The following DDX11 variants were observed in gnomAD, a reference collection of about 807,000 sequenced individuals.
DDX11 encodes the protein DEAD/H-box helicase 11.
DDX11 carries 72 observed loss-of-function variants against 125.2 expected under a neutral mutation model. The observed-to-expected ratio is 0.58, with a 90% confidence interval of 0.48 to 0.70. The LOEUF is 0.70. DDX11 is among the 30% of genes least tolerant of loss of function. The probability of loss-of-function intolerance (pLI) is 0.00; values close to 1 mark genes in which losing one functional copy is unlikely to be tolerated. For synonymous variants in DDX11, 347 were observed against 452.6 expected (o/e 0.77, Z 2.96); for missense variants, 883 against 1,165.0 (o/e 0.76, Z 3.52).
At position 31,101,042 on chromosome 12, in the gene DDX11, C is replaced by T. The variant is rs776137187; in HGVS notation, c.1964C>T (p.Pro655Leu). 2 of 1,614,124 alleles carry T rather than the reference C, an allele frequency of 1.2e-6. No homozygotes were observed. Among genetic ancestry groups the T allele is most frequent in the Non-Finnish European group, 1.7e-6 (2 of 1,179,958 alleles). ...CTCTTACCAGGTCACGTGATCCCTC[C>T]AGACAACATCCTGCCCCTCGTCATC... ...VEFSCGHVIP[P>L]DNILPLVICS... is the part of the protein sequence containing the mutation. The change falls in exon 20 of 27, where the codon CCA (proline) becomes CTA (leucine). Residue 655 changes from proline to leucine, a missense_variant. Pro to Leu is a moderately conservative substitution (Grantham distance 98, BLOSUM62 -3). This residue lies in a region of DDX11 where 285 missense variants were observed against 346.0 expected (regional missense o/e 0.82). Coordinates refer to ENST00000542838, the MANE Select transcript of DDX11 (RefSeq NM_030653.4).
In DDX11 at chr12:31,084,641, T is replaced by C. The variant is rs1295792168; in HGVS notation, c.452T>C (p.Val151Ala). The C allele has an allele frequency of 6.3e-7, 1 of 1,592,588 alleles. No homozygotes were observed. Among genetic ancestry groups the C allele is most frequent in the Non-Finnish European group, 8.6e-7 (1 of 1,167,816 alleles). ...EERLQQLQHR[V>A]QLKYAAKRLR... is the part of the protein sequence containing the mutation. ...CGCCTGCAGCAGCTGCAGCACAGGG[T>C]GCAGCTCAAGTATGCAGCCAAGCGC... Residue 151 changes from valine (V) to alanine (A), a missense_variant, in exon 4 of 27, where the codon GTG (valine) becomes GCG (alanine). By Grantham distance (64) the Val-to-Ala change is moderately conservative. This residue lies in a region of DDX11 where 283 missense variants were observed against 359.6 expected (regional missense o/e 0.79). Coordinates refer to ENST00000542838, the MANE Select transcript of DDX11 (RefSeq NM_030653.4).
intron 1 of DDX11, among the ~76,000 whole-genome samples, chr12:31,075,690 T>C (rs1392278118): frequency 1.3e-5 from 2 of 152,238 alleles, no homozygotes; most frequent in South Asian, 4.1e-4. Context: ...TCTGGCTGGC[T>C]ACTCATTCGT....
intron 5 of DDX11, among the ~76,000 whole-genome samples, chr12:31,086,379 G>T (rs1410107423): frequency 2.0e-5 from 3 of 152,140 alleles, no homozygotes; most frequent in Non-Finnish European, 4.4e-5. Flanking sequence ...TGGCATAGGG[G>T]TGTGCTCAAT....
rs955531106 is a variant in DDX11, at chr12:31,089,698, G to A, written c.881-188G>A. On this transcript the variant is annotated intron_variant, in intron 8 of 26. Transcript: ENST00000542838. Reference sequence around the variant, plus strand: ...ATCCTTGGCTTGGAGATGATTTTACGGGCTCTTTCTGGAGAACAGAAGTAA... The same window carrying A: ...ATCCTTGGCTTGGAGATGATTTTACAGGCTCTTTCTGGAGAACAGAAGTAA... The A allele has an allele frequency of 1.5e-5, 18 of 1,237,814 alleles. No individual in the cohort carries two copies. In the South Asian group the frequency reaches 1.6e-4, roughly 11 times the overall value. The allele number at this position is 1,237,814 out of a possible 1,614,324, so 76.7% of individuals were successfully genotyped here.
At chr12:31,083,710 A>G (rs1301068195) in intron 2 of DDX11, 103 bp from the exon 3 acceptor site, 1 of 1,398,582 alleles carries the variant, frequency 7.2e-7, no homozygotes, top group Non-Finnish European at 1.0e-6. Context: ...ATCCTCTCCT[A>G]TGTACAGCCA....
chr12:31,083,884 A>G lies in DDX11; in HGVS notation c.216A>G (p.Glu72=), dbSNP rs1942509134. The G allele has an allele frequency of 5.0e-6, 8 of 1,613,394 alleles. No individual in the cohort carries two copies. The highest frequency in any genetic ancestry group is 6.8e-6 in the Non-Finnish European group (8 of 1,179,840). ...ACTTTGAACAGAAGAAGCGTGAAGA[A>G]GAGGCACGACTCCTTGAAACTGGAA... ...LRDFEQKKRE[E]EARLLETGTG... The change falls in exon 3 of 27, where the codon GAA becomes GAG. Residue 72 remains glutamate, a synonymous_variant. Coordinates refer to ENST00000542838, the MANE Select transcript of DDX11 (RefSeq NM_030653.4).
At chr12:31,078,687 G>A (rs1223088658) in intron 2 of DDX11, 150 bp downstream of exon 2, 7 of 1,065,104 alleles carry the variant, frequency 6.6e-6, no homozygotes, top group Non-Finnish European at 2.7e-6. Flanking sequence ...CTCTATTAAA[G>A]TCTTTTTTTT....
At chr12:31,074,846 C>A (rs1940473904) in intron 1 of DDX11, among the ~76,000 whole-genome samples, 2 of 152,216 alleles carry the variant, frequency 1.3e-5, no homozygotes, top group South Asian at 4.1e-4. Flanking sequence ...TCTTGGTCAG[C>A]CCCGGCTGCC....
intron 18 of DDX11, among the ~76,000 whole-genome samples, chr12:31,098,268 T>G (rs867610643): frequency 2.2e-4 from 33 of 152,334 alleles, no homozygotes; most frequent in African/African-American, 7.2e-4. Flanking sequence ...GGTTTCAAAC[T>G]CAAGGAAAAA....
At position 31,089,999 on chromosome 12, in the gene DDX11, G is replaced by T. The variant is rs1166909078; in HGVS notation, c.994G>T (p.Ala332Ser). 29 of 1,573,090 alleles carry T rather than the reference G, an allele frequency of 1.8e-5. No individual in the cohort carries two copies. Among genetic ancestry groups the T allele is most frequent in the Non-Finnish European group, 2.5e-5 (29 of 1,159,940 alleles). ...GGGCCTTCTCCGGGATGAGGCCCTGGCAGAGGTGAAGGACATGGAGCAGCT... is the reference window on the plus strand; with the variant it reads ...GGGCCTTCTCCGGGATGAGGCCCTGTCAGAGGTGAAGGACATGGAGCAGCT... ...QMGLLRDEAL[A>S]EVKDMEQLLA... Residue 332 changes from alanine to serine, a missense_variant, in exon 9 of 27, where the codon GCA becomes TCA. Transcript: ENST00000542838.
At chr12:31,103,457 A>G in intron 25 of DDX11, 62 bp downstream of exon 25, 1 of 1,601,778 alleles carries the variant, frequency 6.2e-7, no homozygotes, top group South Asian at 1.1e-5. Context: ...AGAACAGGAA[A>G]GAGGGGTTGC....
At chr12:31,097,254 C>T (rs1052551315) in intron 17 of DDX11, among the ~76,000 whole-genome samples, 3 of 151,824 alleles carry the variant, frequency 2.0e-5, no homozygotes, top group African/African-American at 7.3e-5. Context: ...GATGGGGGTC[C>T]TCTAGGGCAG....
intron 12 of DDX11, 30 bp downstream of exon 12, chr12:31,093,354 G>A (rs1944580064): frequency 6.2e-7 from 1 of 1,613,506 alleles, no homozygotes; most frequent in Non-Finnish European, 8.5e-7. Flanking sequence ...GCTGACCCCG[G>A]GCCTGCAAAA....
chr12:31,096,843 G>C lies in DDX11; in HGVS notation c.1631-16G>C, dbSNP rs372110755. The stretch of plus-strand genomic sequence containing the variant: ...CTGACCAGAGGGAGGCCTCCTCCCC[G>C]TTCTGCTCTGTGCAGCTCTTGCAGC... On this transcript the variant is annotated splice_polypyrimidine_tract_variant and intron_variant, in intron 16 of 26. Transcript: ENST00000542838. 3 of 1,614,174 alleles carry C rather than the reference G, an allele frequency of 1.9e-6. 1 individual carries two copies. The South Asian group carries it at 3.3e-5, about 18-fold the overall frequency.
chr12:31,092,921 A>T (rs1944489016), intron 11 of DDX11, 29 bp downstream of exon 11: 1 of 1,613,226 alleles, frequency 6.2e-7, no homozygotes, highest in Admixed American at 1.7e-5. Context: ...AGGTAGTGGG[A>T]CAGTCCCTTG....
At chr12:31,098,206 G>C in intron 18 of DDX11, among the ~76,000 whole-genome samples, 1 of 152,206 alleles carries the variant, frequency 6.6e-6, no homozygotes, top group Non-Finnish European at 1.5e-5. Flanking sequence ...CTCCTCTGCT[G>C]CTCCATTCTG....
intron 2 of DDX11, among the ~76,000 whole-genome samples, chr12:31,081,046 C>T (rs1941819717): frequency 6.6e-6 from 1 of 152,214 alleles, no homozygotes; most frequent in Non-Finnish European, 1.5e-5. Flanking sequence ...TACCTGACCC[C>T]TTTCACCTTG....
In DDX11 at chr12:31,098,071, C is replaced by T; in HGVS notation, c.1875+74C>T. ...TGGGGGCTTGGGAGAGATGCATTAT[C>T]AGTCCTGTTCTCTCCTGGGGCCCCA... On this transcript the variant is annotated intron_variant, in intron 18 of 26. Coordinates refer to ENST00000542838, the MANE Select transcript of DDX11 (RefSeq NM_030653.4). 3 of 1,270,002 alleles carry T rather than the reference C, an allele frequency of 2.4e-6. No homozygotes were observed. In the South Asian group the frequency reaches 3.7e-5, roughly 15 times the overall value. 78.7% of individuals were successfully genotyped at this position (1,270,002 alleles called of 1,614,324 possible).
chr12:31,097,507 C>T (rs571631996), intron 17 of DDX11, among the ~76,000 whole-genome samples: 18 of 149,380 alleles, frequency 1.2e-4, no homozygotes, highest in Admixed American at 2.0e-4. Flanking sequence ...AGTGAAACCC[C>T]GTCTCTACTA....
Sources: gnomAD v4.1 joint callset for allele counts (sites outside exome capture counted in the v4.1 genomes callset) on GRCh38, gnomAD v4.1.1 for gene constraint, gnomAD v4.1.1 regional missense constraint, MANE v1.5 for transcripts, NCBI Gene and HGNC (gene_info 2026-07-23, HGNC 2026-07-21) for gene names.